Variants in CHST9 observed in about 807,000 individuals in gnomAD.
CHST9 encodes the protein carbohydrate sulfotransferase 9, also known as GalNAc-4-sulfotransferase 2.
A neutral mutation model predicts 44.4 loss-of-function variants in CHST9; 41 were observed. The ratio of observed to expected loss-of-function variants is 0.92; its 90% CI spans 0.72 to 1.20. CHST9 has a LOEUF of 1.20. Ranked by LOEUF, CHST9 falls within the 50% of genes most tolerant of loss-of-function variation. The probability of loss-of-function intolerance (pLI) is 0.00; values close to 1 mark genes in which losing one functional copy is unlikely to be tolerated. For missense variants in CHST9, 504 were observed against 516.5 expected (o/e 0.98, Z 0.23); for synonymous variants, 171 against 178.4 (o/e 0.96, Z 0.33).
intron 4 of CHST9, among the ~76,000 whole-genome samples, chr18:26,949,855 G>A (rs1031496983): frequency 3.9e-5 from 6 of 152,182 alleles, no homozygotes; most frequent in African/African-American, 1.4e-4. Context: ...GGTGGCAGTA[G>A]CAGCAGGGGT....
At chr18:27,002,542 T>A (rs1207485986) in intron 4 of CHST9, among the ~76,000 whole-genome samples, 1 of 152,200 alleles carries the variant, frequency 6.6e-6, no homozygotes, top group Non-Finnish European at 1.5e-5. Flanking sequence ...TTCAAAAAAT[T>A]ACATGAGATA....
At chr18:27,011,407 C>G (rs1318043906) in intron 4 of CHST9, among the ~76,000 whole-genome samples, 1 of 152,034 alleles carries the variant, frequency 6.6e-6, no homozygotes, top group Non-Finnish European at 1.5e-5. Context: ...GTAAGGGATG[C>G]CGCCCAGGCA....
chr18:26,967,098 A>G (rs376959407), intron 4 of CHST9, among the ~76,000 whole-genome samples: 2 of 152,106 alleles, frequency 1.3e-5, no homozygotes, highest in East Asian at 3.9e-4. Flanking sequence ...GAATTCTAAC[A>G]CTAATCATAT....
At chr18:27,059,620 C>T (rs924364546) in intron 2 of CHST9, among the ~76,000 whole-genome samples, 1 of 152,116 alleles carries the variant, frequency 6.6e-6, no homozygotes, top group East Asian at 1.9e-4. Flanking sequence ...CACAATCCTG[C>T]CTAGATTTTC....
intron 4 of CHST9, among the ~76,000 whole-genome samples, chr18:27,022,655 G>A (rs913690171): frequency 6.6e-6 from 1 of 152,108 alleles, no homozygotes; most frequent in African/African-American, 2.4e-5. Flanking sequence ...GCTTTTGCTT[G>A]TACTGCCTGA....
At chr18:27,092,296 T>G (rs1245676742) in intron 2 of CHST9, among the ~76,000 whole-genome samples, 1 of 152,188 alleles carries the variant, frequency 6.6e-6, no homozygotes, top group Non-Finnish European at 1.5e-5. Flanking sequence ...GATATCCCCT[T>G]TATGATTTTT....
chr18:27,140,358 T>G (rs568812774), intron 2 of CHST9, among the ~76,000 whole-genome samples: 34 of 152,350 alleles, frequency 2.2e-4, no homozygotes, highest in Admixed American at 1.4e-3. Flanking sequence ...ATTTGGCACT[T>G]ATTAAGCTCT....
chr18:27,168,410 G>A (rs559907308), intron 1 of CHST9, among the ~76,000 whole-genome samples: 1 of 152,244 alleles, frequency 6.6e-6, no homozygotes, highest in South Asian at 2.1e-4. Flanking sequence ...GTTGCTGTAG[G>A]AGGAATACAC....
intron 2 of CHST9, among the ~76,000 whole-genome samples, chr18:27,113,569 T>C (rs1220286351): frequency 1.3e-5 from 2 of 152,158 alleles, no homozygotes; most frequent in Admixed American, 1.3e-4. Context: ...CCCTTGGGAA[T>C]GGGATTAGTG....
At chr18:26,966,840 T>G (rs2056471354) in intron 4 of CHST9, among the ~76,000 whole-genome samples, 1 of 149,544 alleles carries the variant, frequency 6.7e-6, no homozygotes, top group Non-Finnish European at 1.5e-5. Context: ...TTTTGATGAT[T>G]ACTGGAGATA....
chr18:27,126,152 C>T (rs886746699), intron 2 of CHST9, among the ~76,000 whole-genome samples: 9 of 152,202 alleles, frequency 5.9e-5, no homozygotes, highest in Non-Finnish European at 1.2e-4. Flanking sequence ...TTCTCACAGA[C>T]ATTCTGATAA....
chr18:26,953,021 G>A (rs146875459), intron 4 of CHST9, among the ~76,000 whole-genome samples: 401 of 152,260 alleles, frequency 2.6e-3, no homozygotes, highest in African/African-American at 9.2e-3. Flanking sequence ...GCAGGAATAT[G>A]TCTTGAACAA....
intron 1 of CHST9, among the ~76,000 whole-genome samples, chr18:27,145,279 C>A (rs1273901774): frequency 3.3e-5 from 5 of 152,154 alleles, no homozygotes. Flanking sequence ...GCAACCTCCA[C>A]CTCCTAGGTT....
At chr18:26,922,861 C>T (rs2055687325) in intron 5 of CHST9, among the ~76,000 whole-genome samples, 1 of 152,122 alleles carries the variant, frequency 6.6e-6, no homozygotes, top group South Asian at 2.1e-4. Context: ...GTCTCAAGCT[C>T]CTGACCTCAG....
intron 1 of CHST9, among the ~76,000 whole-genome samples, chr18:27,176,467 G>A (rs993398000): frequency 9.2e-5 from 14 of 151,910 alleles, no homozygotes; most frequent in African/African-American, 2.9e-4. Flanking sequence ...CCTTGGTAAT[G>A]GAATTGAAGG....
intron 4 of CHST9, among the ~76,000 whole-genome samples, chr18:27,016,384 T>G (rs1192713260): frequency 6.6e-6 from 1 of 152,210 alleles, no homozygotes; most frequent in Non-Finnish European, 1.5e-5. Flanking sequence ...CAGAGTGCTC[T>G]TCTCCACTGG....
intron 2 of CHST9, among the ~76,000 whole-genome samples, chr18:27,137,304 ATGTGTGTGTGTG>A (rs60705060): frequency 0.029 from 4,215 of 145,440 alleles, 125 homozygotes; most frequent in South Asian, 0.04. Context: ...TTATTTATAT[ATGTGTGTGTGTG>A]TGTGTGTGTG....
intron 2 of CHST9, among the ~76,000 whole-genome samples, chr18:27,133,308 G>A (rs1482593250): frequency 6.6e-6 from 1 of 152,168 alleles, no homozygotes; most frequent in Admixed American, 6.5e-5. Context: ...GATCGACTTT[G>A]TTGCAAAGCT....
chr18:26,956,466 C>T lies in CHST9; in HGVS notation c.203-12100G>A, dbSNP rs529994394. On this transcript the variant is annotated intron_variant, in intron 4 of 5. Coordinates refer to ENST00000618847, the MANE Select transcript of CHST9 (RefSeq NM_031422.6). The stretch of plus-strand genomic sequence containing the variant: ...AATAATATAATTGTGTACATATATA[C>T]AATTATATATATAATATACAATTTT... Among the ~76,000 whole-genome samples, 32 of 146,930 alleles carry T rather than the reference C, an allele frequency of 2.2e-4. No individual in the cohort carries two copies. The South Asian group carries it at 6.3e-3, about 29-fold the overall frequency.
Sources: allele counts gnomAD v4.1 joint callset (sites outside exome capture counted in the v4.1 genomes callset), GRCh38; gene constraint gnomAD v4.1.1; transcripts MANE v1.5; gene names NCBI Gene and HGNC (gene_info 2026-07-23, HGNC 2026-07-21).